Variants in DYNC1I1 observed in about 807,000 individuals in gnomAD.
The protein encoded by DYNC1I1 is cytoplasmic dynein 1 intermediate chain 1.
DYNC1I1 carries 43 observed loss-of-function variants against 86.6 expected under a neutral mutation model. The observed-to-expected ratio is 0.50, with a 90% CI of 0.39 to 0.64. The LOEUF is 0.64. Among genes scored for constraint, DYNC1I1 ranks in the 30% least tolerant of loss-of-function variants. The pLI is 0.00. For missense variants in DYNC1I1, 604 were observed against 788.8 expected (o/e 0.77, Z 2.81); for synonymous variants, 262 against 283.7 (o/e 0.92, Z 0.77).
At chr7:95,915,451 T>C (rs1234675717) in intron 6 of DYNC1I1, among the ~76,000 whole-genome samples, 1 of 152,262 alleles carries the variant, frequency 6.6e-6, no homozygotes, top group African/African-American at 2.4e-5. Flanking sequence ...AGCATATTTA[T>C]GTTTTATTTC....
intron 14 of DYNC1I1, among the ~76,000 whole-genome samples, chr7:96,053,744 C>G (rs1562986990): frequency 2.0e-5 from 3 of 151,642 alleles, no homozygotes; most frequent in Admixed American, 6.6e-5. Context: ...CATACTTACA[C>G]TTTTTTTTAG....
intron 1 of DYNC1I1, among the ~76,000 whole-genome samples, chr7:95,790,548 A>C (rs1236087725): frequency 6.6e-6 from 1 of 152,196 alleles, no homozygotes; most frequent in African/African-American, 2.4e-5. Context: ...GTAACCACAG[A>C]CTACATGGAC....
At chr7:96,063,686 C>A (rs1267779101) in intron 14 of DYNC1I1, among the ~76,000 whole-genome samples, 1 of 152,116 alleles carries the variant, frequency 6.6e-6, no homozygotes, top group Non-Finnish European at 1.5e-5. Flanking sequence ...TTAATTATTT[C>A]TTTAAAGACC....
chr7:95,907,194 G>A (rs1791198029), intron 6 of DYNC1I1, among the ~76,000 whole-genome samples: 1 of 152,070 alleles, frequency 6.6e-6, no homozygotes, highest in South Asian at 2.1e-4. Context: ...CTCAGGTAAT[G>A]CAAAACAGTG....
rs73708574 is a variant in DYNC1I1, at chr7:95,775,369, C to T, written c.-10+2596C>T. Among the ~76,000 whole-genome samples, 1,153 of 152,170 alleles carry T rather than the reference C, an allele frequency of 7.6e-3. 7 individuals carry two copies. Among genetic ancestry groups the T allele is most frequent in the African/African-American group, 0.026 (1,069 of 41,498 alleles). ...AGTAGACATTATTATCCATATTTTC[C>T]AAATAATTAAATGAGTTAAATGACA... On this transcript the variant is annotated intron_variant, in intron 1 of 16. Transcript: ENST00000447467.
In DYNC1I1 at chr7:95,896,278, G is replaced by A. The variant is rs116066880; in HGVS notation, c.490+26280G>A. Among the ~76,000 whole-genome samples, 619 of 152,304 alleles carry A rather than the reference G, an allele frequency of 4.1e-3. 5 individuals carry two copies. Among genetic ancestry groups the A allele is most frequent in the Middle Eastern group, 0.02 (6 of 294 alleles). On this transcript the variant is annotated intron_variant, in intron 6 of 16. Coordinates refer to ENST00000447467, the MANE Select transcript of DYNC1I1 (RefSeq NM_001135556.2). ...TGGTGTCAGTTTAGCTTAAAGGAAG[G>A]TGGTCTTCTTGGAGAAATGTGCCAA...
At chr7:96,009,261 T>C (rs1794215540) in intron 10 of DYNC1I1, among the ~76,000 whole-genome samples, 1 of 152,222 alleles carries the variant, frequency 6.6e-6, no homozygotes, top group Non-Finnish European at 1.5e-5. Context: ...TTCCAATGAC[T>C]GCCCGTGAAG....
chr7:96,010,619 G>A (rs563896060), intron 10 of DYNC1I1, among the ~76,000 whole-genome samples: 2 of 152,146 alleles, frequency 1.3e-5, no homozygotes, highest in Admixed American at 6.5e-5. Context: ...GGGCTTTTTG[G>A]GGGTGGAGAG....
intron 16 of DYNC1I1, among the ~76,000 whole-genome samples, chr7:96,090,270 T>G (rs1052685525): frequency 1.8e-4 from 27 of 152,066 alleles, no homozygotes; most frequent in Middle Eastern, 3.4e-3. Context: ...TGTTGTTGTT[T>G]TTCTTCCACA....
chr7:96,042,645 AAT>A (rs1269937116), intron 14 of DYNC1I1, among the ~76,000 whole-genome samples: 1 of 152,214 alleles, frequency 6.6e-6, no homozygotes. Flanking sequence ...CAATAAGAGT[AAT>A]AGATTCATGA....
chr7:95,776,624 C>T lies in DYNC1I1; in HGVS notation c.-10+3851C>T, dbSNP rs145923070. On this transcript the variant is annotated intron_variant, in intron 1 of 16. Transcript: ENST00000447467. ...CAGAGGTCACTCTGCTGAAATGTAT[C>T]GAAGACAAAGCCAAGCTATCCTACC... Among the ~76,000 whole-genome samples, 186 of 152,280 alleles carry T rather than the reference C, an allele frequency of 1.2e-3. 1 individual carries two copies. The highest frequency in any genetic ancestry group is 4.3e-3 in the African/African-American group (177 of 41,560).
At chr7:95,987,243 C>A (rs761257077) in intron 9 of DYNC1I1, 88 bp downstream of exon 9, 9 of 1,177,056 alleles carry the variant, frequency 7.6e-6, no homozygotes, top group Non-Finnish European at 1.1e-5. Flanking sequence ...TACTTGCCTA[C>A]GATTTCCTCT....
intron 6 of DYNC1I1, among the ~76,000 whole-genome samples, chr7:95,899,171 A>G (rs949306197): frequency 1.3e-5 from 2 of 152,174 alleles, no homozygotes; most frequent in African/African-American, 4.8e-5. Context: ...TAGATACTCA[A>G]TTGATATTTA....
At chr7:96,043,267 A>G (rs755301931) in intron 14 of DYNC1I1, among the ~76,000 whole-genome samples, 141 of 152,276 alleles carry the variant, frequency 9.3e-4, no homozygotes, top group Non-Finnish European at 1.5e-3. Context: ...ATTGCTGATA[A>G]TATTGTAAAA....
At chr7:95,778,835 T>A (rs77660994) in intron 1 of DYNC1I1, among the ~76,000 whole-genome samples, 7,482 of 150,446 alleles carry the variant, frequency 0.05, 411 homozygotes, top group East Asian at 0.12. Context: ...GGTTAAAAAA[T>A]TTTTTTTTTC....
intron 8 of DYNC1I1, among the ~76,000 whole-genome samples, chr7:95,985,809 C>T (rs1296598429): frequency 1.3e-5 from 2 of 152,062 alleles, no homozygotes; most frequent in Non-Finnish European, 1.5e-5. Context: ...GTAACAGAGG[C>T]ATGAAAACCA....
At chr7:95,793,381 G>A (rs577897592) in intron 1 of DYNC1I1, among the ~76,000 whole-genome samples, 5 of 152,096 alleles carry the variant, frequency 3.3e-5, no homozygotes, top group Non-Finnish European at 7.4e-5. Context: ...GACTGGATGA[G>A]AGGAAGTCTC....
At chr7:95,782,265 G>T (rs566962728) in intron 1 of DYNC1I1, among the ~76,000 whole-genome samples, 1 of 152,258 alleles carries the variant, frequency 6.6e-6, no homozygotes, top group African/African-American at 2.4e-5. Context: ...TGGAATTTTC[G>T]TAATAAACTC....
chr7:95,902,257 G>C (rs185299007), intron 6 of DYNC1I1, among the ~76,000 whole-genome samples: 6 of 152,304 alleles, frequency 3.9e-5, no homozygotes, highest in African/African-American at 1.4e-4. Flanking sequence ...GAGCAGAACT[G>C]AAATAGTTAG....
Sources: allele counts gnomAD v4.1 joint callset (sites outside exome capture counted in the v4.1 genomes callset), GRCh38; gene constraint gnomAD v4.1.1; transcripts MANE v1.5; gene names NCBI Gene and HGNC (gene_info 2026-07-23, HGNC 2026-07-21).